ZNF226: variants seen among roughly 807,000 people sequenced by gnomAD.
ZNF226 encodes the protein zinc finger protein 226.
ZNF226 carries 6 observed loss-of-function variants against 11.4 expected under a neutral mutation model. The ratio of observed to expected loss-of-function variants is 0.53; its 90% CI spans 0.29 to 1.04. ZNF226 has a LOEUF of 1.04. Ranked by LOEUF, ZNF226 falls within the 50% of genes least tolerant of loss-of-function variation. ZNF226 has a pLI of 0.08. For synonymous variants in ZNF226, 350 were observed against 322.8 expected, an observed-to-expected ratio of 1.08 and a Z score of -0.90; for missense variants, 1,058 against 956.5, an observed-to-expected ratio of 1.11 and a Z score of -1.40.
chr19:44,183,341 A>G (rs1383982865), downstream of ZNF226, among the ~76,000 whole-genome samples: 1 of 152,184 alleles, frequency 6.6e-6, no homozygotes, highest in African/African-American at 2.4e-5. Flanking sequence ...ATTATTTCCC[A>G]AGTTTCAGAA....
At chr19:44,167,687 CAT>C (rs775948575) in intron 2 of ZNF226, 8 of 152,184 alleles carry the variant, frequency 5.3e-5, no homozygotes, top group Admixed American at 2.0e-4. Context: ...AAGGAAATCT[CAT>C]ATACTCTACA....
chr19:44,189,237 T>C, the ZNF226 span, among the ~76,000 whole-genome samples: 5 of 152,290 alleles, frequency 3.3e-5, no homozygotes, highest in African/African-American at 1.2e-4. Context: ...AAAAGAAAGA[T>C]ACGAAGTAAA....
chr19:44,183,142 G>T (rs1299693418), downstream of ZNF226, among the ~76,000 whole-genome samples: 1 of 152,168 alleles, frequency 6.6e-6, no homozygotes, highest in East Asian at 1.9e-4. Flanking sequence ...TAGGTAATTG[G>T]AAACAGCCTG....
At chr19:44,189,984 A>G in the ZNF226 span, among the ~76,000 whole-genome samples, 2 of 152,334 alleles carry the variant, frequency 1.3e-5, no homozygotes, top group African/African-American at 4.8e-5. Context: ...TAGTAATAAC[A>G]TGGGAGAAAA....
At position 44,175,876 on chromosome 19, in the gene ZNF226, C is replaced by G; in HGVS notation, c.614C>G (p.Pro205Arg). The G allele has an allele frequency of 6.2e-7, 1 of 1,612,668 alleles. No individual in the cohort carries two copies. Among genetic ancestry groups the G allele is most frequent in the Non-Finnish European group, 8.5e-7 (1 of 1,179,472 alleles). Reference protein sequence around the residue: ...KLCQCKKGVDPIGWISHHDGH... With the variant: ...KLCQCKKGVDRIGWISHHDGH... ...TGTCAATGTAAGAAGGGTGTTGATC[C>G]CATCGGTTGGATTTCACATCATGAT... The change falls in exon 6 of 6, where the codon CCC becomes CGC. Residue 205 changes from proline (P) to arginine (R), a missense_variant. Physicochemically the swap from Pro to Arg is moderately radical, Grantham distance 103. Coordinates refer to ENST00000337433, the MANE Select transcript of ZNF226 (RefSeq NM_001032373.2).
At position 44,172,172 on chromosome 19, in the gene ZNF226, C is replaced by A. The variant is rs377744592; in HGVS notation, c.100C>A (p.Arg34=). Residue 34 remains arginine (R), a synonymous_variant, in exon 4 of 6, where the codon CGA becomes AGA. Coordinates refer to ENST00000337433, the MANE Select transcript of ZNF226 (RefSeq NM_001032373.2). ...GGGCCCTGCCCAGAGGAAGCTGTAC[C>A]GAGATGTGATGGTGGAGAACTTTAG... ...LLGPAQRKLY[R]DVMVENFRNL... is the part of the protein sequence containing the mutation. 7 of 1,612,870 alleles carry A rather than the reference C, an allele frequency of 4.3e-6. No individual in the cohort carries two copies. The highest frequency in any genetic ancestry group is 5.9e-6 in the Non-Finnish European group (7 of 1,179,228).
rs542550427 is a variant in ZNF226, at chr19:44,173,172, C to G, written c.235+220C>G. The G allele has an allele frequency of 6.9e-4, 389 of 565,230 alleles. 1 individual carries two copies. The highest frequency in any genetic ancestry group is 6.1e-3 in the African/African-American group (323 of 52,982). 35.0% of individuals were successfully genotyped at this position (565,230 alleles called of 1,614,324 possible). A position where few individuals can be genotyped will look rare whatever the true frequency, so the allele number is the denominator to read the frequency against. ...TTACCTTGTGTCAGACTATGTTGTT[C>G]TTCTGCTCAAAATTCTCTGTGACTT... On this transcript the variant is annotated intron_variant, in intron 5 of 5. Transcript: ENST00000337433.
At chr19:44,188,155 T>A in the ZNF226 span, among the ~76,000 whole-genome samples, 2 of 152,172 alleles carry the variant, frequency 1.3e-5, no homozygotes, top group Admixed American at 6.5e-5. Context: ...TCTTTAGTGT[T>A]GTTCAAGTCC....
downstream of ZNF226, chr19:44,177,877 T>C: frequency 1.9e-6 from 1 of 531,022 alleles, no homozygotes; most frequent in South Asian, 3.3e-5. Flanking sequence ...GAAATTTTTC[T>C]CAGGCCTTTT....
At chr19:44,192,352 A>G in the ZNF226 span, among the ~76,000 whole-genome samples, 4 of 152,302 alleles carry the variant, frequency 2.6e-5, no homozygotes, top group South Asian at 8.3e-4. Context: ...GGAGAGAGTT[A>G]CAGGAGCTGA....
chr19:44,190,587 G>A, the ZNF226 span, among the ~76,000 whole-genome samples: 6 of 152,082 alleles, frequency 3.9e-5, no homozygotes, highest in African/African-American at 9.6e-5. Context: ...CGCCCGCCTC[G>A]GCCTCCCAAA....
At chr19:44,192,827 C>G in the ZNF226 span, among the ~76,000 whole-genome samples, 1 of 152,088 alleles carries the variant, frequency 6.6e-6, no homozygotes, top group Non-Finnish European at 1.5e-5. Context: ...TAACTAAAAT[C>G]ACATAAATAC....
chr19:44,189,346 A>G, the ZNF226 span, among the ~76,000 whole-genome samples: 1 of 152,338 alleles, frequency 6.6e-6, no homozygotes, highest in Non-Finnish European at 1.5e-5. Context: ...ATCATTGGGA[A>G]TTAGGTGAGA....
intron 5 of ZNF226, chr19:44,174,853 C>T: frequency 1.2e-6 from 1 of 834,170 alleles, no homozygotes; most frequent in East Asian, 2.6e-5. Flanking sequence ...TTCATGCTTT[C>T]CTTTCACCCC....
downstream of ZNF226, among the ~76,000 whole-genome samples, chr19:44,182,393 T>A (rs1273473480): frequency 6.6e-6 from 1 of 152,092 alleles, no homozygotes; most frequent in Non-Finnish European, 1.5e-5. Context: ...ACCTCAGTTA[T>A]AACAAGCAAA....
At chr19:44,195,349 A>G in the ZNF226 span, among the ~76,000 whole-genome samples, 100 of 152,334 alleles carry the variant, frequency 6.6e-4, no homozygotes, top group Non-Finnish European at 1.2e-3. Flanking sequence ...CAATGTTGGT[A>G]CCTCACTAGA....
chr19:44,184,028 A>G, the ZNF226 span, among the ~76,000 whole-genome samples: 1 of 152,170 alleles, frequency 6.6e-6, no homozygotes, highest in African/African-American at 2.4e-5. Context: ...CATAACCATA[A>G]CCAGTTTTTA....
rs1970803872 is a variant in ZNF226 at position 44,177,487 on chromosome 19, T to C, written c.2225T>C (p.Leu742Pro). Residue 742 changes from leucine (L) to proline (P), a missense_variant, in exon 6 of 6, where the codon CTA (leucine) becomes CCA (proline). By Grantham distance (98) the Leu-to-Pro change is moderately conservative. Transcript: ENST00000337433. ...CGKVFSRSSQLQSHQRVHTGE... is the reference protein window; with the variant it reads ...CGKVFSRSSQPQSHQRVHTGE... Reference sequence around the variant, plus strand: ...AAAGTCTTCAGTCGGTCTTCACAACTACAGTCTCATCAGCGAGTTCACACT... The same window carrying C: ...AAAGTCTTCAGTCGGTCTTCACAACCACAGTCTCATCAGCGAGTTCACACT... 1 of 1,614,200 alleles carries C rather than the reference T, an allele frequency of 6.2e-7. No homozygotes were observed. Among genetic ancestry groups the C allele is most frequent in the East Asian group, 2.2e-5 (1 of 44,882 alleles).
chr19:44,180,828 G>A (rs1296568408), downstream of ZNF226, among the ~76,000 whole-genome samples: 1 of 152,160 alleles, frequency 6.6e-6, no homozygotes, highest in East Asian at 1.9e-4. Context: ...GCTTCTGTCA[G>A]GATTCCAAAA....
Sources: gnomAD v4.1 joint callset for allele counts (sites outside exome capture counted in the v4.1 genomes callset) on GRCh38, gnomAD v4.1.1 for gene constraint, MANE v1.5 for transcripts, NCBI Gene and HGNC (gene_info 2026-07-23, HGNC 2026-07-21) for gene names.